The following DPP6 variants were observed in gnomAD, a reference collection of about 807,000 sequenced individuals.
DPP6 encodes the protein A-type potassium channel modulatory protein DPP6.
DPP6 carries 69 observed loss-of-function variants against 122.6 expected under a neutral mutation model. The observed-to-expected ratio is 0.56, with a 90% confidence interval of 0.46 to 0.69. The LOEUF (loss-of-function observed/expected upper bound fraction) is 0.69. Among genes scored for constraint, DPP6 ranks in the 30% least tolerant of loss-of-function variants. The probability of loss-of-function intolerance (pLI) is 0.00; values close to 1 mark genes in which losing one functional copy is unlikely to be tolerated. For missense variants in DPP6, 928 were observed against 1,116.9 expected (o/e 0.83, Z 2.41); for synonymous variants, 418 against 433.1 (o/e 0.97, Z 0.43).
At chr7:154,035,347 A>C (rs1315068585) in intron 1 of DPP6, among the ~76,000 whole-genome samples, 1 of 152,242 alleles carries the variant, frequency 6.6e-6, no homozygotes, top group African/African-American at 2.4e-5. Flanking sequence ...CATCTTTCAT[A>C]TATAGCAGTA....
chr7:153,759,676 G>GA, the DPP6 span, among the ~76,000 whole-genome samples: 1 of 151,660 alleles, frequency 6.6e-6, no homozygotes, highest in African/African-American at 2.4e-5. Flanking sequence ...AACCATATGT[G>GA]AAAAAAAGAA....
intron 1 of DPP6, among the ~76,000 whole-genome samples, chr7:154,360,913 C>G (rs1041232218): frequency 1.3e-5 from 2 of 152,096 alleles, no homozygotes; most frequent in East Asian, 3.9e-4. Context: ...ATGCTGGATT[C>G]CGGGGGCTAA....
At chr7:154,588,304 A>C in intron 5 of DPP6, 2 of 708,774 alleles carry the variant, frequency 2.8e-6, no homozygotes, top group Non-Finnish European at 2.2e-6. Context: ...TGAACTGATA[A>C]TCATGGGAAG....
At chr7:154,794,552 G>A (rs367557591) in intron 11 of DPP6, among the ~76,000 whole-genome samples, 7 of 152,362 alleles carry the variant, frequency 4.6e-5, no homozygotes, top group African/African-American at 1.7e-4. Context: ...TGCTCAGAGA[G>A]GAGGGGCCCT....
intron 6 of DPP6, among the ~76,000 whole-genome samples, chr7:154,661,003 C>G (rs202213811): frequency 1.0e-5 from 1 of 97,952 alleles, no homozygotes; most frequent in Non-Finnish European, 2.0e-5. Context: ...TGGTGAATCA[C>G]CATGGCATAT....
chr7:153,799,290 A>G, the DPP6 span, among the ~76,000 whole-genome samples: 1 of 152,206 alleles, frequency 6.6e-6, no homozygotes, highest in Non-Finnish European at 1.5e-5. Flanking sequence ...CTAAATATAT[A>G]TATTTTTTAT....
the DPP6 span, among the ~76,000 whole-genome samples, chr7:153,849,620 T>G: frequency 6.6e-6 from 1 of 151,936 alleles, no homozygotes; most frequent in African/African-American, 2.4e-5. Context: ...TTTCTGGAAA[T>G]GGAAGTTTTC....
chr7:153,993,611 A>G (rs71530468), intron 1 of DPP6, among the ~76,000 whole-genome samples: 25 of 152,098 alleles, frequency 1.6e-4, no homozygotes, highest in South Asian at 8.3e-4. Flanking sequence ...CATACAACCT[A>G]CTTCATCCTC....
chr7:153,929,911 G>A (rs982102408), intron 1 of DPP6, among the ~76,000 whole-genome samples: 2 of 152,126 alleles, frequency 1.3e-5, no homozygotes, highest in African/African-American at 4.8e-5. Context: ...TTCTGACATC[G>A]TGGAAGCCAC....
At chr7:154,711,920 G>A (rs1039294674) in intron 7 of DPP6, among the ~76,000 whole-genome samples, 3 of 137,068 alleles carry the variant, frequency 2.2e-5, no homozygotes, top group Non-Finnish European at 3.1e-5. Context: ...AAATATTAAG[G>A]GTGTAAATTG....
intron 5 of DPP6, among the ~76,000 whole-genome samples, chr7:154,590,004 T>C (rs1342050407): frequency 6.6e-6 from 1 of 152,250 alleles, no homozygotes; most frequent in East Asian, 1.9e-4. Context: ...CTGAGGTTTT[T>C]GGTTTTATGA....
At chr7:154,752,347 T>C (rs535612036) in intron 8 of DPP6, among the ~76,000 whole-genome samples, 1 of 152,204 alleles carries the variant, frequency 6.6e-6, no homozygotes, top group African/African-American at 2.4e-5. Context: ...AGTTGCTTCC[T>C]TAGCTGTAAA....
chr7:154,053,161 C>G (rs1289741226), intron 1 of DPP6, 98 bp downstream of exon 1: 2 of 837,160 alleles, frequency 2.4e-6, no homozygotes, highest in African/African-American at 1.8e-5. Context: ...GGGGGGGAAT[C>G]AGGCGCCCTC....
intron 1 of DPP6, among the ~76,000 whole-genome samples, chr7:154,131,198 A>G (rs374636162): frequency 5.3e-5 from 8 of 152,308 alleles, no homozygotes; most frequent in South Asian, 2.1e-4. Flanking sequence ...ATTCAATGCA[A>G]TTTGCTTACT....
At chr7:154,264,740 TTAA>T (rs1278500931) in intron 1 of DPP6, among the ~76,000 whole-genome samples, 4 of 150,884 alleles carry the variant, frequency 2.7e-5, no homozygotes, top group South Asian at 2.1e-4. Flanking sequence ...GACAATGGTG[TTAA>T]TGATGTTAAT....
intron 16 of DPP6, among the ~76,000 whole-genome samples, chr7:154,817,529 AT>A (rs1433557906): frequency 1.3e-5 from 2 of 152,194 alleles, no homozygotes; most frequent in South Asian, 2.1e-4. Flanking sequence ...GAGTGATGAT[AT>A]AATGAAACAT....
intron 1 of DPP6, among the ~76,000 whole-genome samples, chr7:154,286,253 C>G (rs1372646852): frequency 6.6e-6 from 1 of 152,058 alleles, no homozygotes; most frequent in African/African-American, 2.4e-5. Context: ...CCCAGCTTAG[C>G]CAACAGCCCT....
At chr7:154,431,451 CTTTTCTTTTCT>C (rs1229265443) in intron 1 of DPP6, among the ~76,000 whole-genome samples, 2 of 14,976 alleles carry the variant, frequency 1.3e-4, no homozygotes, top group Non-Finnish European at 4.9e-4. Context: ...CCTTTCTTTT[CTTTTCTTTTCT>C]TTTCTTTTCT....
rs184763691 is a variant in DPP6 at position 154,097,757 on chromosome 7, A to G, written c.243+44694A>G. ...TGCTGGCTGAGGCAGCTGTCACCTG[A>G]GGGCTTGTGGAGGCAGCAGGGCAAC... On this transcript the variant is annotated intron_variant, in intron 1 of 25. Coordinates refer to ENST00000377770, the MANE Select transcript of DPP6 (RefSeq NM_130797.4). Among the ~76,000 whole-genome samples, 319 of 152,204 alleles carry G rather than the reference A, an allele frequency of 2.1e-3. 3 individuals carry two copies. The highest frequency in any genetic ancestry group is 7.4e-3 in the African/African-American group (308 of 41,516).
Sources: allele counts gnomAD v4.1 joint callset (sites outside exome capture counted in the v4.1 genomes callset), GRCh38; gene constraint gnomAD v4.1.1; transcripts MANE v1.5; gene names NCBI Gene and HGNC (gene_info 2026-07-23, HGNC 2026-07-21).